MEG3: variants seen among roughly 807,000 people sequenced by gnomAD.
MEG3 encodes the protein maternally expressed 3, also known as Very putative protein from MEG3 locus.
chr14:100,834,878 G>A (rs896324947), exon 1 of MEG3: 2 of 448,744 alleles, frequency 4.5e-6, no homozygotes, highest in East Asian at 7.0e-5. Context: ...TCCGACCCCT[G>A]CCCCATTTGA....
At position 100,835,206 on chromosome 14, in the gene MEG3, GTT is replaced by G. The variant is rs2037530838; in HGVS notation, n.2239_2240del. 10 of 202,940 alleles carry G rather than the reference GTT, an allele frequency of 4.9e-5. No homozygotes were observed. The South Asian group carries it at 8.6e-4, about 17-fold the overall frequency. 12.6% of individuals were successfully genotyped at this position (202,940 alleles called of 1,614,324 possible). On this transcript the variant is annotated non_coding_transcript_exon_variant, in exon 1 of 4. Coordinates refer to the MEG3 transcript ENST00000398461. ...CCCGCCCCATTCCTGATGCTGAACT[GTT>G]CTGGACCCCTGGCCCTGAGTCTCTC...
rs774402466 is a variant in MEG3 at position 100,845,871 on chromosome 14, C to G, written n.3121+338C>G. 5.6e-6 allele frequency: 1 copy of G among 177,076 alleles called. No individual in the cohort carries two copies. Among genetic ancestry groups the G allele is most frequent in the Non-Finnish European group, 1.2e-5 (1 of 82,240 alleles). 11.0% of individuals were successfully genotyped at this position (177,076 alleles called of 1,614,324 possible). A position where few individuals can be genotyped will look rare whatever the true frequency, so the allele number is the denominator to read the frequency against. On this transcript the variant is annotated intron_variant and non_coding_transcript_variant, in intron 3 of 3. Coordinates refer to the MEG3 transcript ENST00000398461. The surrounding 1 kb of genome is among the most constrained non-coding windows in gnomAD (Gnocchi z 5.2). Reference sequence around the variant, plus strand: ...TTGAGTCTCCCTTTGGCTCTTGTGCCGCAGGGCAGACTAGGATGGAAGTGC... The same window carrying G: ...TTGAGTCTCCCTTTGGCTCTTGTGCGGCAGGGCAGACTAGGATGGAAGTGC...
At chr14:100,826,115 A>G (rs2037221187) in intron 1 of MEG3, 1 of 152,220 alleles carries the variant, frequency 6.6e-6, no homozygotes, top group South Asian at 2.1e-4. Flanking sequence ...GCCAGCCCCT[A>G]GCGCAGACGG....
At chr14:100,832,014 G>C (rs2037408840), downstream of MEG3, 1 of 152,042 alleles carries the variant, frequency 6.6e-6, no homozygotes. Flanking sequence ...GTATACATTA[G>C]GTTCCCACGG....
chr14:100,860,814 G>C (rs1473433909), exon 2 of MEG3: 1 of 422,320 alleles, frequency 2.4e-6, no homozygotes, highest in African/African-American at 2.0e-5. Flanking sequence ...CCGCTGACCT[G>C]GGGTCAGACC....
intron 2 of MEG3, among the ~76,000 whole-genome samples, chr14:100,842,324 G>A (rs2037784430): frequency 6.6e-6 from 1 of 152,192 alleles, no homozygotes. Context: ...CTGAAGCAAA[G>A]AGGTGAAATT....
chr14:100,832,586 C>G (rs1001277093), downstream of MEG3: 1 of 152,578 alleles, frequency 6.6e-6, no homozygotes, highest in Admixed American at 6.5e-5. Context: ...CAGTATTCGT[C>G]GCATAAGGAT....
rs371407535 is a variant in MEG3, at chr14:100,827,991, C to T, written n.372-717C>T. Among the ~76,000 whole-genome samples the T allele has an allele frequency of 3.9e-3, 593 of 152,240 alleles. 4 individuals are homozygous for T. The highest frequency in any genetic ancestry group is 0.014 in the Middle Eastern group (4 of 292). ...GGGGCTGGGGCCCGGTGGCTGGGGG[C>T]GCAGGAGGCGCCTGGTGCGGGCGGG... On this transcript the variant is annotated intron_variant and non_coding_transcript_variant, in intron 1 of 2. Coordinates refer to ENST00000556407, the Ensembl canonical transcript of MEG3.
chr14:100,839,401 C>T (rs1210220239), intron 2 of MEG3, among the ~76,000 whole-genome samples: 5 of 152,196 alleles, frequency 3.3e-5, no homozygotes, highest in African/African-American at 7.2e-5. Flanking sequence ...GGTCTAGCTT[C>T]GTCTCCCATC....
At chr14:100,843,468 G>A (rs972621902) in intron 2 of MEG3, among the ~76,000 whole-genome samples, 7 of 152,166 alleles carry the variant, frequency 4.6e-5, no homozygotes, top group Admixed American at 6.5e-5. Flanking sequence ...TTAGGTAACC[G>A]AAGTCGGCCC....
chr14:100,859,269 G>A (rs968106170), exon 1 of MEG3: 2 of 152,196 alleles, frequency 1.3e-5, no homozygotes, highest in African/African-American at 2.4e-5. Flanking sequence ...CGCTGAACTG[G>A]GGATGGGTCT....
rs192518689 is a variant in MEG3 at position 100,835,855 on chromosome 14, A to G, written n.2887A>G. ...TATGGACAGACTCCTGTCCCATCCC[A>G]GAGACCCCTCGTGATCGTGCCCTGG... On this transcript the variant is annotated non_coding_transcript_exon_variant, in exon 1 of 4. Coordinates refer to the MEG3 transcript ENST00000398461. 3.2e-4 allele frequency: 86 copies of G among 265,632 alleles called. 2 individuals carry two copies. The highest frequency in any genetic ancestry group is 1.9e-3 in the African/African-American group (83 of 42,870). The allele number at this position is 265,632 out of a possible 1,614,324, so 16.5% of individuals were successfully genotyped here. A position where few individuals can be genotyped will look rare whatever the true frequency, so the allele number is the denominator to read the frequency against.
At position 100,843,340 on chromosome 14, in the gene MEG3, G is replaced by A. The variant is rs117609821; in HGVS notation, n.3046-2118G>A. ...GCTGTGTGTTCTTGGCCTGAGTCTC[G>A]TTGCCACCTTAGGACGTGGCGATGG... On this transcript the variant is annotated intron_variant and non_coding_transcript_variant, in intron 2 of 3. Coordinates refer to the MEG3 transcript ENST00000398461. 4.2e-3 allele frequency among the ~76,000 whole-genome samples: 643 copies of A among 152,162 alleles called. 21 individuals are homozygous for A. Among genetic ancestry groups the A allele is most frequent in the Admixed American group, 0.032 (485 of 15,280 alleles).
chr14:100,839,359 C>T (rs2037683932), intron 2 of MEG3, among the ~76,000 whole-genome samples: 1 of 152,190 alleles, frequency 6.6e-6, no homozygotes, highest in East Asian at 1.9e-4. Flanking sequence ...TTTCTCTGAG[C>T]CCTGTCCCCT....
intron 3 of MEG3, chr14:100,850,741 A>G (rs990204193): frequency 6.6e-6 from 1 of 152,292 alleles, no homozygotes; most frequent in Non-Finnish European, 1.5e-5. Flanking sequence ...GTCAATAAAT[A>G]GGACTTGTGA....
downstream of MEG3, chr14:100,832,191 C>A (rs150571459): frequency 6.6e-6 from 1 of 152,056 alleles, no homozygotes; most frequent in Non-Finnish European, 1.5e-5. Context: ...TTTCCCCTTA[C>A]GTTAGTTGGG....
At chr14:100,851,285 C>A (rs757486693) in intron 3 of MEG3, 1 of 152,390 alleles carries the variant, frequency 6.6e-6, no homozygotes, top group Non-Finnish European at 1.5e-5. Context: ...GCCACTCCCG[C>A]GGCATGGGTC....
chr14:100,841,682 T>C (rs2037765853), intron 2 of MEG3, among the ~76,000 whole-genome samples: 1 of 152,220 alleles, frequency 6.6e-6, no homozygotes, highest in Admixed American at 6.5e-5. Flanking sequence ...GTCAGAGCTC[T>C]TGCCCAAAGA....
exon 2 of MEG3, chr14:100,860,849 C>T (rs949832060): frequency 1.4e-5 from 5 of 366,056 alleles, no homozygotes; most frequent in Middle Eastern, 5.6e-4. Context: ...CTGCCCACCC[C>T]GCAGGAACCC....
Sources: allele counts gnomAD v4.1 joint callset (sites outside exome capture counted in the v4.1 genomes callset), GRCh38; gene constraint gnomAD v4.1.1; non-coding constraint Gnocchi (gnomAD v3.1); transcripts MANE v1.5; gene names NCBI Gene and HGNC (gene_info 2026-07-23, HGNC 2026-07-21).